PCDHGB2: variants seen among roughly 807,000 people sequenced by gnomAD.
The protein encoded by PCDHGB2 is protocadherin gamma-B2.
Under a neutral mutation model 59.3 loss-of-function variants are expected in PCDHGB2, and 55 were observed. The observed-to-expected ratio is 0.93, with a 90% CI of 0.75 to 1.16. The LOEUF (loss-of-function observed/expected upper bound fraction) is 1.16. Among genes scored for constraint, PCDHGB2 ranks in the 50% most tolerant of loss-of-function variants. The pLI is 0.00. For missense variants in PCDHGB2, 1,228 were observed against 1,198.5 expected (o/e 1.02, Z -0.36); for synonymous variants, 516 against 512.0 (o/e 1.01, Z -0.11).
intron 1 of PCDHGB2, chr5:141,392,938 G>T: frequency 6.2e-7 from 1 of 1,613,954 alleles, no homozygotes; most frequent in Non-Finnish European, 8.5e-7. Flanking sequence ...ACGGACAAAG[G>T]CTCCTTCGTG....
rs778770720 is a variant in PCDHGB2 at position 141,375,689 on chromosome 5, G to C, written c.2421+13133G>C. On this transcript the variant is annotated intron_variant, in intron 1 of 3. Coordinates refer to ENST00000522605, the MANE Select transcript of PCDHGB2 (RefSeq NM_018923.3). ...CCTACAGCTGTGGGTGACAGCCAGC[G>C]ACAGCGGGGACCCGCCTCTTAGCAG... 4 of 1,614,250 alleles carry C rather than the reference G, an allele frequency of 2.5e-6. No individual in the cohort carries two copies. In the Admixed American group the frequency reaches 6.7e-5, roughly 27 times the overall value.
Position 141,486,344 on chromosome 5 carries a change from G to C in PCDHGB2, c.2422-8463G>C. 6.2e-7 allele frequency: 1 copy of C among 1,614,062 alleles called. No homozygotes were observed. The highest frequency in any genetic ancestry group is 8.5e-7 in the Non-Finnish European group (1 of 1,180,022). On this transcript the variant is annotated intron_variant, in intron 1 of 3. Transcript: ENST00000522605. The surrounding 1 kb of genome is among the most constrained non-coding windows in gnomAD (Gnocchi z 5.0). Reference sequence around the variant, plus strand: ...CGGAGATGTGAGCCTCCGCATTCCTGACCACTTGCCATTTGCCCTCAAGTC... The same window carrying C: ...CGGAGATGTGAGCCTCCGCATTCCTCACCACTTGCCATTTGCCCTCAAGTC...
At chr5:141,405,403 T>A (rs1430892971) in intron 1 of PCDHGB2, 2 of 1,586,108 alleles carry the variant, frequency 1.3e-6, no homozygotes, top group Non-Finnish European at 1.7e-6. Flanking sequence ...TCTTTCTTTC[T>A]TTTCTTTTTT....
chr5:141,400,547 CT>C (rs765907405), intron 1 of PCDHGB2: 1 of 1,613,676 alleles, frequency 6.2e-7, no homozygotes, highest in East Asian at 2.2e-5. Context: ...TATGTCTATT[CT>C]TTTTCATTAC....
chr5:141,406,307 T>C (rs2094791462), intron 1 of PCDHGB2, among the ~76,000 whole-genome samples: 1 of 152,088 alleles, frequency 6.6e-6, no homozygotes, highest in African/African-American at 2.4e-5. Flanking sequence ...GTGAACCACC[T>C]CACCCAGCAA....
At chr5:141,388,941 C>A (rs191165529) in intron 1 of PCDHGB2, 1 of 1,613,962 alleles carries the variant, frequency 6.2e-7, no homozygotes, top group South Asian at 1.1e-5. Context: ...TCTACCCAAC[C>A]TAATTATGGA....
At position 141,512,967 on chromosome 5, in the gene PCDHGB2, T is replaced by C. The variant is rs2099884538; in HGVS notation, c.*1794T>C. ...CGACAAAAAAATAATAAAACGTTTC[T>C]TCTGAAAAGCTGAACGTTTCTGTAT... On this transcript the variant is annotated 3_prime_UTR_variant, in exon 4 of 4. Transcript: ENST00000522605. The C allele has an allele frequency of 6.6e-6, 1 of 152,260 alleles. No individual in the cohort carries two copies. Among genetic ancestry groups the C allele is most frequent in the South Asian group, 2.1e-4 (1 of 4,832 alleles). The allele number at this position is 152,260 out of a possible 1,614,324, so 9.4% of individuals were successfully genotyped here.
chr5:141,370,396 T>C (rs767513658), intron 1 of PCDHGB2: 3 of 1,548,714 alleles, frequency 1.9e-6, no homozygotes, highest in Non-Finnish European at 2.6e-6. Context: ...GAGAGCGGGA[T>C]GGGAAATAGC....
chr5:141,476,049 C>T lies in PCDHGB2; in HGVS notation c.2422-18758C>T. 2.0e-6 allele frequency: 3 copies of T among 1,501,848 alleles called. No homozygotes were observed. The South Asian group carries it at 4.0e-5, about 20-fold the overall frequency. 93.0% of individuals were successfully genotyped at this position (1,501,848 alleles called of 1,614,324 possible). ...CGCCCAGCGCCCAAGCGCTAACCCG[C>T]TGAAAGTTTCTCAGCGAAATCTCAG... On this transcript the variant is annotated intron_variant, in intron 1 of 3. Coordinates refer to ENST00000522605, the MANE Select transcript of PCDHGB2 (RefSeq NM_018923.3). This position sits in a 1 kb window ranked among gnomAD's most constrained non-coding sequence, Gnocchi z 7.6.
At chr5:141,376,617 G>A (rs1235600949) in intron 1 of PCDHGB2, 24 of 1,406,610 alleles carry the variant, frequency 1.7e-5, no homozygotes, top group Non-Finnish European at 2.2e-5. Context: ...ACCTCTTTTG[G>A]TACAGGAAGA....
At position 141,361,182 on chromosome 5, in the gene PCDHGB2, G is replaced by C; in HGVS notation, c.1047G>C (p.Val349=). 6.2e-7 allele frequency: 1 copy of C among 1,613,884 alleles called. No homozygotes were observed. Among genetic ancestry groups the C allele is most frequent in the Non-Finnish European group, 8.5e-7 (1 of 1,179,870 alleles). The stretch of plus-strand genomic sequence containing the variant: ...ACGATTGTGCACCTGAAGTTATTGT[G>C]ACTTCAGTATCTACTCCCCTACCGG... ...DDNDCAPEVI[V]TSVSTPLPED... The change falls in exon 1 of 4, where the codon GTG becomes GTC. Residue 349 remains valine (V), a synonymous_variant. Coordinates refer to ENST00000522605, the MANE Select transcript of PCDHGB2 (RefSeq NM_018923.3).
Position 141,431,614 on chromosome 5 carries a change from C to G in PCDHGB2, c.2422-63193C>G. ...TGAGGTATTCCTTCCGGTATGTGGACGACAAGGCGGCCCAAGTTTTCAAAC... is the reference window on the plus strand; with the variant it reads ...TGAGGTATTCCTTCCGGTATGTGGAGGACAAGGCGGCCCAAGTTTTCAAAC... On this transcript the variant is annotated intron_variant, in intron 1 of 3. Coordinates refer to ENST00000522605, the MANE Select transcript of PCDHGB2 (RefSeq NM_018923.3). This position sits in a 1 kb window ranked among gnomAD's most constrained non-coding sequence, Gnocchi z 4.8. 6.2e-7 allele frequency: 1 copy of G among 1,614,206 alleles called. No homozygotes were observed. The highest frequency in any genetic ancestry group is 1.1e-5 in the South Asian group (1 of 91,092).
intron 1 of PCDHGB2, chr5:141,404,311 T>G (rs746092761): frequency 1.9e-6 from 3 of 1,613,924 alleles, no homozygotes. Flanking sequence ...CTGCTTTCTC[T>G]CAAGCCTCCT....
chr5:141,472,281 C>A (rs944776124), intron 1 of PCDHGB2, among the ~76,000 whole-genome samples: 2 of 152,202 alleles, frequency 1.3e-5, no homozygotes, highest in Non-Finnish European at 2.9e-5. Context: ...GTGGCTCACA[C>A]CTGTAATCCC....
chr5:141,512,241 G>A lies in PCDHGB2; in HGVS notation c.*1068G>A, dbSNP rs533051658. On this transcript the variant is annotated 3_prime_UTR_variant, in exon 4 of 4. Coordinates refer to ENST00000522605, the MANE Select transcript of PCDHGB2 (RefSeq NM_018923.3). ...CCAGGTCCCCTTGAGAGGTCAGAGGGGCCTCTGTGGGTGCTGGGTACTCCA... is the reference window on the plus strand; with the variant it reads ...CCAGGTCCCCTTGAGAGGTCAGAGGAGCCTCTGTGGGTGCTGGGTACTCCA... 1 of 152,866 alleles carries A rather than the reference G, an allele frequency of 6.5e-6. No individual in the cohort carries two copies. The highest frequency in any genetic ancestry group is 2.1e-4 in the South Asian group (1 of 4,824). 9.5% of individuals were successfully genotyped at this position (152,866 alleles called of 1,614,324 possible).
chr5:141,392,013 G>A (rs980520094), intron 1 of PCDHGB2: 1 of 152,108 alleles, frequency 6.6e-6, no homozygotes, highest in African/African-American at 2.4e-5. Context: ...AATGGTAAAA[G>A]CATTTATCCT....
rs776176122 is a variant in PCDHGB2, at chr5:141,408,982, T to C, written c.2421+46426T>C. 124 of 1,613,830 alleles carry C rather than the reference T, an allele frequency of 7.7e-5. 1 individual carries two copies. Among genetic ancestry groups the C allele is most frequent in the Admixed American group, 3.7e-4 (22 of 59,994 alleles). ...GTGAAAATCTGCCCCCTGGGTCCCC[T>C]GTGTTGCAAGTGACAGCCACTGACC... On this transcript the variant is annotated intron_variant, in intron 1 of 3. Transcript: ENST00000522605.
intron 1 of PCDHGB2, chr5:141,408,161 C>T: frequency 2.0e-6 from 3 of 1,517,698 alleles, no homozygotes; most frequent in Non-Finnish European, 2.7e-6. Context: ...TGCACTTTCT[C>T]CAACTGGAAA....
rs2099404773 is a variant in PCDHGB2 at position 141,477,081 on chromosome 5, T to C, written c.2422-17726T>C. ...GACACCAAACTCCATGAGATTTACA[T>C]CCAGGCCAAAGACAAGGGCGCCAAT... On this transcript the variant is annotated intron_variant, in intron 1 of 3. Transcript: ENST00000522605. The surrounding 1 kb of genome is among the most constrained non-coding windows in gnomAD (Gnocchi z 4.9). 6.2e-7 allele frequency: 1 copy of C among 1,614,104 alleles called. No individual in the cohort carries two copies. Among genetic ancestry groups the C allele is most frequent in the Non-Finnish European group, 8.5e-7 (1 of 1,180,052 alleles).
Sources: gnomAD v4.1 joint callset for allele counts (sites outside exome capture counted in the v4.1 genomes callset) on GRCh38, gnomAD v4.1.1 for gene constraint, Gnocchi (gnomAD v3.1) non-coding constraint, MANE v1.5 for transcripts, NCBI Gene and HGNC (gene_info 2026-07-23, HGNC 2026-07-21) for gene names.